Variants in PDE10A observed in about 807,000 individuals in gnomAD.
PDE10A encodes the protein cAMP and cAMP-inhibited cGMP 3',5'-cyclic phosphodiesterase 10A.
In PDE10A, 39 loss-of-function variants were observed where a neutral mutation model predicts 97.7. The observed-to-expected ratio is 0.40, with a 90% confidence interval of 0.31 to 0.52. PDE10A has a LOEUF of 0.52. Ranked by LOEUF, PDE10A falls within the 20% of genes least tolerant of loss-of-function variation. The pLI is 0.56. For synonymous variants in PDE10A, 371 were observed against 376.8 expected (o/e 0.98, Z 0.18); for missense variants, 731 against 1,047.8 (o/e 0.70, Z 4.17).
intron 1 of PDE10A, among the ~76,000 whole-genome samples, chr6:165,768,836 T>TA: frequency 6.6e-6 from 1 of 152,248 alleles, no homozygotes; most frequent in African/African-American, 2.4e-5. Context: ...TTGGTGATCG[T>TA]AATCATCTTT....
chr6:165,818,574 G>A (rs886453552), intron 1 of PDE10A, among the ~76,000 whole-genome samples: 1 of 152,196 alleles, frequency 6.6e-6, no homozygotes, highest in Non-Finnish European at 1.5e-5. Flanking sequence ...TCAGAGATGT[G>A]AAGAGAGTCC....
chr6:165,499,490 A>C (rs556676451), intron 2 of PDE10A, among the ~76,000 whole-genome samples: 36 of 152,328 alleles, frequency 2.4e-4, no homozygotes, highest in African/African-American at 8.4e-4. Context: ...TCTTGTTAAC[A>C]CCATCCTACT....
chr6:165,859,985 G>C (rs1409271077), intron 1 of PDE10A, among the ~76,000 whole-genome samples: 1 of 152,152 alleles, frequency 6.6e-6, no homozygotes, highest in Non-Finnish European at 1.5e-5. Flanking sequence ...TGGGAGCTAA[G>C]CCATGAGAAT....
At position 165,720,651 on chromosome 6, in the gene PDE10A, G is replaced by A. The variant is rs200691045; in HGVS notation, c.-614-177083C>T. On this transcript the variant is annotated intron_variant, in intron 1 of 19. Transcript: ENST00000366882. ...TGAAATTAGCACCCATCGATCTACC[G>A]CCCTGAGAAGCATCTTTGAATAATA... Among the ~76,000 whole-genome samples, 4 of 152,280 alleles carry A rather than the reference G, an allele frequency of 2.6e-5. No homozygotes were observed. The East Asian group carries it at 7.7e-4, about 29-fold the overall frequency.
intron 1 of PDE10A, among the ~76,000 whole-genome samples, chr6:165,559,088 T>C (rs1014948095): frequency 1.3e-5 from 2 of 152,186 alleles, no homozygotes; most frequent in African/African-American, 2.4e-5. Flanking sequence ...CAGTAGGATA[T>C]GTCAAAGGTG....
chr6:165,875,221 G>A (rs2128479430), intron 1 of PDE10A, among the ~76,000 whole-genome samples: 1 of 152,244 alleles, frequency 6.6e-6, no homozygotes, highest in Admixed American at 6.5e-5. Flanking sequence ...CCTACCAGGA[G>A]GATAACATCA....
At chr6:165,902,073 C>A (rs374793400) in intron 1 of PDE10A, among the ~76,000 whole-genome samples, 222 of 87,024 alleles carry the variant, frequency 2.6e-3, no homozygotes, top group African/African-American at 0.01. Flanking sequence ...CAATTATTTC[C>A]AAATTGAATA....
chr6:165,745,938 C>T (rs1792833219), intron 1 of PDE10A, among the ~76,000 whole-genome samples: 1 of 152,108 alleles, frequency 6.6e-6, no homozygotes, highest in African/African-American at 2.4e-5. Flanking sequence ...GAATGTTTTG[C>T]TCCTTTTTTA....
intron 2 of PDE10A, among the ~76,000 whole-genome samples, chr6:165,519,048 T>C (rs1781984980): frequency 1.3e-5 from 2 of 152,200 alleles, no homozygotes; most frequent in South Asian, 4.1e-4. Context: ...ACAATGTTAG[T>C]ACATTTCTGT....
At chr6:165,339,427 A>T in intron 19 of PDE10A, 69 bp from the exon 20 acceptor site, 1 of 944,102 alleles carries the variant, frequency 1.1e-6, no homozygotes, top group East Asian at 2.4e-5. Flanking sequence ...GATATTATTG[A>T]ATTATTCCCT....
At chr6:165,466,808 GA>G (rs559988059) in intron 3 of PDE10A, among the ~76,000 whole-genome samples, 3 of 152,194 alleles carry the variant, frequency 2.0e-5, no homozygotes, top group African/African-American at 7.2e-5. Context: ...TCAAGTGAAA[GA>G]AAGAGTCACA....
intron 1 of PDE10A, among the ~76,000 whole-genome samples, chr6:165,563,463 C>G (rs1259670047): frequency 2.6e-5 from 4 of 152,128 alleles, no homozygotes; most frequent in Admixed American, 1.3e-4. Flanking sequence ...CCCCTCACAG[C>G]TGAATGTTTC....
intron 1 of PDE10A, among the ~76,000 whole-genome samples, chr6:165,887,817 T>G (rs571344703): frequency 6.6e-6 from 1 of 152,324 alleles, no homozygotes; most frequent in African/African-American, 2.4e-5. Context: ...ATTCAGCCCT[T>G]TACAATAATG....
Position 165,676,183 on chromosome 6 carries a change from C to T in PDE10A, c.-614-132615G>A, listed in dbSNP as rs184102421. On this transcript the variant is annotated intron_variant, in intron 1 of 19. Transcript: ENST00000366882. ...AGAAGTGTGAGCTGAAAAATGTGTA[C>T]ACATGGATGTACAGAGTGGAATCAC... 1.2e-4 allele frequency among the ~76,000 whole-genome samples: 18 copies of T among 152,112 alleles called. 1 individual carries two copies. In the East Asian group the frequency reaches 3.5e-3, roughly 29 times the overall value.
rs574314216 is a variant in PDE10A at position 165,372,989 on chromosome 6, T to G, written c.2783+6205A>C. ...AACAAGAAATGGGGAAAGGATTCCC[T>G]ATTTAATAAATGGTGCTGGGAAAAC... On this transcript the variant is annotated intron_variant, in intron 18 of 21. Coordinates refer to ENST00000539869, the MANE Select transcript of PDE10A (RefSeq NM_001385079.1). Among the ~76,000 whole-genome samples, 274 of 147,030 alleles carry G rather than the reference T, an allele frequency of 1.9e-3. 1 individual carries two copies. Among genetic ancestry groups the G allele is most frequent in the Middle Eastern group, 6.9e-3 (2 of 288 alleles).
chr6:165,591,822 A>C (rs1786288534), intron 1 of PDE10A, among the ~76,000 whole-genome samples: 1 of 152,218 alleles, frequency 6.6e-6, no homozygotes, highest in Non-Finnish European at 1.5e-5. Flanking sequence ...TTAAAACTCC[A>C]TAAAGCTGAC....
At chr6:165,521,516 T>G (rs373267069) in intron 2 of PDE10A, among the ~76,000 whole-genome samples, 13 of 152,208 alleles carry the variant, frequency 8.5e-5, no homozygotes, top group Admixed American at 3.9e-4. Context: ...AAGGAAATTA[T>G]AAGTTCTACT....
intron 1 of PDE10A, among the ~76,000 whole-genome samples, chr6:165,923,898 G>C (rs998790183): frequency 1.3e-5 from 2 of 152,102 alleles, no homozygotes; most frequent in African/African-American, 2.4e-5. Context: ...TTCAGCTTTA[G>C]AAAGAATAAG....
intron 5 of PDE10A, among the ~76,000 whole-genome samples, chr6:165,439,916 G>T (rs1382438352): frequency 1.3e-5 from 2 of 152,116 alleles, no homozygotes; most frequent in African/African-American, 4.8e-5. Flanking sequence ...CAGCCAAATA[G>T]ATGTTTACCT....
Sources: gnomAD v4.1 joint callset for allele counts (sites outside exome capture counted in the v4.1 genomes callset) on GRCh38, gnomAD v4.1.1 for gene constraint, MANE v1.5 for transcripts, NCBI Gene and HGNC (gene_info 2026-07-23, HGNC 2026-07-21) for gene names.